Variants in ZNF558 observed in about 807,000 individuals in gnomAD.
ZNF558 encodes zinc finger protein 558.
Under a neutral mutation model 37.6 loss-of-function variants are expected in ZNF558, and 23 were observed. The ratio of observed to expected loss-of-function variants is 0.61; its 90% CI spans 0.44 to 0.87. The LOEUF (loss-of-function observed/expected upper bound fraction) is 0.87, where lower values mean the gene tolerates loss of function less well. Ranked by LOEUF, ZNF558 falls within the 40% of genes least tolerant of loss-of-function variation. The probability of loss-of-function intolerance (pLI) is 0.00; values close to 1 mark genes in which losing one functional copy is unlikely to be tolerated. For missense variants in ZNF558, 429 were observed against 483.7 expected (o/e 0.89, Z 1.06); for synonymous variants, 189 against 174.4 (o/e 1.08, Z -0.66).
chr19:8,821,907 C>T (rs530661957), intron 6 of ZNF558, 96 bp downstream of exon 6: 2 of 1,555,408 alleles, frequency 1.3e-6, no homozygotes, highest in South Asian at 2.4e-5. Context: ...GCCTGAGGAC[C>T]TGGTTTGGCC....
chr19:8,822,226 C>T lies in ZNF558; in HGVS notation c.32-135G>A, dbSNP rs2044112570. On this transcript the variant is annotated intron_variant, in intron 5 of 9. Coordinates refer to ENST00000601372, the MANE Select transcript of ZNF558 (RefSeq NM_144693.3). The surrounding 1 kb of genome is among the most constrained non-coding windows in gnomAD (Gnocchi z 4.4). ...AGTGCCCACCTACGCTCCATGCAAA[C>T]ACCTACCCACAGCTCTCCTAAGATA... The T allele has an allele frequency of 2.0e-6, 2 of 1,021,170 alleles. No homozygotes were observed. Among genetic ancestry groups the T allele is most frequent in the South Asian group, 1.6e-5 (1 of 62,520 alleles). 63.3% of individuals were successfully genotyped at this position (1,021,170 alleles called of 1,614,324 possible). A position where few individuals can be genotyped will look rare whatever the true frequency, so the allele number is the denominator to read the frequency against.
intron 9 of ZNF558, 119 bp downstream of exon 9, chr19:8,812,442 G>A: frequency 3.3e-6 from 2 of 608,206 alleles, no homozygotes; most frequent in South Asian, 3.3e-5. Flanking sequence ...CAGGAACACA[G>A]CATTCTCAAT....
upstream of ZNF558, among the ~76,000 whole-genome samples, chr19:8,835,336 G>T (rs951894338): frequency 6.6e-6 from 1 of 152,110 alleles, no homozygotes; most frequent in African/African-American, 2.4e-5. Flanking sequence ...ACAGGTGTGA[G>T]CCACTGCACC....
the ZNF558 span, among the ~76,000 whole-genome samples, chr19:8,837,943 T>C: frequency 1.3e-5 from 2 of 151,808 alleles, no homozygotes; most frequent in African/African-American, 4.8e-5. Context: ...AGGCTGAAAT[T>C]CTACCCAGAA....
In ZNF558 at chr19:8,811,433, A is replaced by T; in HGVS notation, c.1057T>A (p.Cys353Ser). 1.2e-6 allele frequency: 2 copies of T among 1,614,158 alleles called. No homozygotes were observed. Among genetic ancestry groups the T allele is most frequent in the Middle Eastern group, 3.3e-4 (2 of 6,062 alleles). ...TGEKPYECSD[C>S]GKAFNNLSAV... The stretch of plus-strand genomic sequence containing the variant: ...GAGAGATTATTAAAGGCTTTTCCAC[A>T]GTCACTGCACTCGTAGGGTTTCTCT... Residue 353 changes from cysteine to serine, a missense_variant, in exon 10 of 10, where the codon TGT (cysteine) becomes AGT (serine). Cys to Ser is a moderately radical substitution (Grantham distance 112). Transcript: ENST00000601372.
intron 7 of ZNF558, among the ~76,000 whole-genome samples, chr19:8,815,075 A>G (rs1555769866): frequency 6.6e-6 from 1 of 152,140 alleles, no homozygotes; most frequent in Non-Finnish European, 1.5e-5. Context: ...CAACAAAATA[A>G]TTATGAGGGA....
Position 8,812,066 on chromosome 19 carries a change from G to C in ZNF558, c.427-3C>G. On this transcript the variant is annotated splice_region_variant and splice_polypyrimidine_tract_variant and intron_variant, in intron 9 of 9. Coordinates refer to ENST00000601372, the MANE Select transcript of ZNF558 (RefSeq NM_144693.3). ...TTCACTCCACGATGACTTCTTTCCT[G>C]TGGATTAAGAGATGAATGATAACTA... is the stretch of plus-strand genomic sequence containing the variant. The C allele has an allele frequency of 6.4e-7, 1 of 1,552,436 alleles. No individual in the cohort carries two copies. The highest frequency in any genetic ancestry group is 8.7e-7 in the Non-Finnish European group (1 of 1,153,042).
intron 7 of ZNF558, among the ~76,000 whole-genome samples, chr19:8,819,755 C>G (rs549080164): frequency 1.3e-5 from 2 of 152,156 alleles, no homozygotes; most frequent in East Asian, 3.9e-4. Flanking sequence ...CTGGCCAACA[C>G]AGCGAAACCC....
chr19:8,811,196 CTT>C lies in ZNF558; in HGVS notation c.*83_*84del, dbSNP rs782685683. The C allele has an allele frequency of 5.7e-6, 8 of 1,394,158 alleles. No individual in the cohort carries two copies. Among genetic ancestry groups the C allele is most frequent in the Middle Eastern group, 2.6e-4 (1 of 3,776 alleles). The allele number at this position is 1,394,158 out of a possible 1,614,324, so 86.4% of individuals were successfully genotyped here. Reference sequence around the variant, plus strand: ...TCATTTGTTATGCTGCAACAAATAACTTATATATCCAGTGTGAGCTCTCTCAA... The same window carrying C: ...TCATTTGTTATGCTGCAACAAATAACATATATCCAGTGTGAGCTCTCTCAA... On this transcript the variant is annotated 3_prime_UTR_variant, in exon 10 of 10. Coordinates refer to ENST00000601372, the MANE Select transcript of ZNF558 (RefSeq NM_144693.3).
At chr19:8,815,058 C>T (rs1158718853) in intron 7 of ZNF558, among the ~76,000 whole-genome samples, 1 of 145,432 alleles carries the variant, frequency 6.9e-6, no homozygotes, top group South Asian at 2.2e-4. Flanking sequence ...TCCAAATACC[C>T]TAGTTTCAAC....
intron 2 of ZNF558, among the ~76,000 whole-genome samples, chr19:8,828,078 CT>C (rs2044271963): frequency 6.6e-6 from 1 of 152,306 alleles, no homozygotes; most frequent in South Asian, 2.1e-4. Flanking sequence ...CAGCAATTCC[CT>C]TTTTCAGGGG....
In ZNF558 at chr19:8,827,929, C is replaced by G. The variant is rs1036434498; in HGVS notation, c.-508-2821G>C. On this transcript the variant is annotated intron_variant, in intron 2 of 9. Transcript: ENST00000601372. ...ATCCCTGTGTTCCCAGTGCAGGGAG[C>G]GTGGCAGCCTCTCTCCTGCTGCAGG... 2.0e-5 allele frequency among the ~76,000 whole-genome samples: 3 copies of G among 152,076 alleles called. No individual in the cohort carries two copies. The East Asian group carries it at 5.8e-4, about 29-fold the overall frequency.
intron 7 of ZNF558, among the ~76,000 whole-genome samples, chr19:8,816,951 T>C (rs531106959): frequency 6.6e-6 from 1 of 152,264 alleles, no homozygotes; most frequent in South Asian, 2.1e-4. Flanking sequence ...TAAGTTGCTA[T>C]TAAACTAGAT....
intron 7 of ZNF558, 113 bp from the exon 8 acceptor site, chr19:8,813,335 A>C: frequency 1.3e-6 from 1 of 763,690 alleles, no homozygotes; most frequent in South Asian, 1.7e-5. Context: ...GGAGCAGTGA[A>C]ATAAATTATG....
chr19:8,812,559 A>T lies in ZNF558; in HGVS notation c.426+2T>A. 6.4e-7 allele frequency: 1 copy of T among 1,563,224 alleles called. No homozygotes were observed. The highest frequency in any genetic ancestry group is 8.6e-7 in the Non-Finnish European group (1 of 1,161,932). ...ACCAGAAATCACCCATGTTAGTCTT[A>T]CCGTTTTTACACCTTTAGACTGTTC... On this transcript the variant is annotated splice_donor_variant, in intron 9 of 9. Coordinates refer to ENST00000601372, the MANE Select transcript of ZNF558 (RefSeq NM_144693.3). LOFTEE classifies it high-confidence loss of function.
At chr19:8,820,756 G>T (rs2044064964) in intron 7 of ZNF558, among the ~76,000 whole-genome samples, 1 of 152,200 alleles carries the variant, frequency 6.6e-6, no homozygotes, top group African/African-American at 2.4e-5. Context: ...GATTACAGGT[G>T]TGAGCCACCA....
rs2044104223 is a variant in ZNF558 at position 8,821,993 on chromosome 19, T to C, written c.120+10A>G. 3.1e-6 allele frequency: 5 copies of C among 1,613,844 alleles called. No homozygotes were observed. The highest frequency in any genetic ancestry group is 4.2e-6 in the Non-Finnish European group (5 of 1,179,822). Reference sequence around the variant, plus strand: ...GAATAATGATTTGGGAAAAGGAACATCTGACTCACCCGTAGCCAGCTTGTC... The same window carrying C: ...GAATAATGATTTGGGAAAAGGAACACCTGACTCACCCGTAGCCAGCTTGTC... On this transcript the variant is annotated intron_variant, in intron 6 of 9. Transcript: ENST00000601372.
intron 7 of ZNF558, among the ~76,000 whole-genome samples, chr19:8,816,154 T>C (rs1351026246): frequency 6.6e-6 from 1 of 151,994 alleles, no homozygotes; most frequent in Non-Finnish European, 1.5e-5. Flanking sequence ...GCAGCCTTAA[T>C]CTCCTGGGGT....
intron 7 of ZNF558, among the ~76,000 whole-genome samples, chr19:8,819,334 C>G (rs1038469156): frequency 8.5e-5 from 13 of 152,122 alleles, no homozygotes; most frequent in Non-Finnish European, 8.8e-5. Flanking sequence ...GCACCTGCCA[C>G]CACGCCTGGC....
Sources: gnomAD v4.1 joint callset for allele counts (sites outside exome capture counted in the v4.1 genomes callset) on GRCh38, gnomAD v4.1.1 for gene constraint, Gnocchi (gnomAD v3.1) non-coding constraint, MANE v1.5 for transcripts, NCBI Gene and HGNC (gene_info 2026-07-23, HGNC 2026-07-21) for gene names.